TRPM7: variants seen among roughly 807,000 people sequenced by gnomAD.
TRPM7 encodes transient receptor potential cation channel subfamily M member 7, also known as LTRPC ion channel family member 7.
A neutral mutation model predicts 229.7 loss-of-function variants in TRPM7; 134 were observed. The ratio of observed to expected loss-of-function variants is 0.58; its 90% CI spans 0.51 to 0.67. The LOEUF (loss-of-function observed/expected upper bound fraction) is 0.67. Among genes scored for constraint, TRPM7 ranks in the 30% least tolerant of loss-of-function variants. TRPM7 has a pLI of 0.00. For synonymous variants in TRPM7, 699 were observed against 715.2 expected (o/e 0.98, Z 0.36); for missense variants, 1,901 against 2,210.0 (o/e 0.86, Z 2.80).
intron 22 of TRPM7, 80 bp from the exon 23 acceptor site, chr15:50,596,461 T>C (rs1368321322): frequency 4.6e-6 from 5 of 1,090,442 alleles, no homozygotes; most frequent in South Asian, 4.7e-5. Context: ...TGAGTGTTTC[T>C]GGTTATTTAT....
rs1021305960 is a variant in TRPM7 at position 50,667,259 on chromosome 15, C to G, written c.4-4213G>C. 4.6e-5 allele frequency among the ~76,000 whole-genome samples: 7 copies of G among 152,130 alleles called. No individual in the cohort carries two copies. The East Asian group carries it at 1.3e-3, about 29-fold the overall frequency. On this transcript the variant is annotated intron_variant, in intron 1 of 38. Transcript: ENST00000646667. ...GGCCCTAGAAACTGAACGCTTTCCT[C>G]GCCCTGTTCCTCCAAGGGCTCTACC...
intron 2 of TRPM7, among the ~76,000 whole-genome samples, chr15:50,662,314 A>G (rs1216893083): frequency 6.6e-6 from 1 of 150,780 alleles, no homozygotes; most frequent in East Asian, 1.9e-4. Flanking sequence ...ACGACAGAGC[A>G]AGACTCTGTT....
intron 5 of TRPM7, among the ~76,000 whole-genome samples, chr15:50,643,099 A>T (rs1465648946): frequency 6.6e-6 from 1 of 151,950 alleles, no homozygotes; most frequent in African/African-American, 2.4e-5. Context: ...GACCAGCCTG[A>T]CCAATATGGT....
chr15:50,679,538 AT>A lies in TRPM7; in HGVS notation c.3+6992del, dbSNP rs58783893. On this transcript the variant is annotated intron_variant, in intron 1 of 38. Coordinates refer to ENST00000646667, the MANE Select transcript of TRPM7 (RefSeq NM_017672.6). Reference sequence around the variant, plus strand: ...TATATATATATATATATATATATATATTTTTTTTTTTTTTTGAGACAGAGTC... The same window carrying A: ...TATATATATATATATATATATATATATTTTTTTTTTTTTTGAGACAGAGTC... Among the ~76,000 whole-genome samples the A allele has an allele frequency of 8.8e-3, 387 of 43,872 alleles. 3 individuals are homozygous for A. Among genetic ancestry groups the A allele is most frequent in the South Asian group, 0.064 (91 of 1,412 alleles). The allele number at this position is 43,872 out of a possible 152,430, so 28.8% of individuals were successfully genotyped here.
intron 31 of TRPM7, among the ~76,000 whole-genome samples, chr15:50,577,178 T>G (rs781260507): frequency 6.6e-6 from 1 of 152,054 alleles, no homozygotes; most frequent in East Asian, 1.9e-4. Context: ...ATTAAAAGCC[T>G]AATATGTCAT....
In TRPM7 at chr15:50,613,863, CTT is replaced by C. The variant is rs750606205; in HGVS notation, c.1636-24_1636-23del. On this transcript the variant is annotated intron_variant, in intron 14 of 38. Coordinates refer to ENST00000646667, the MANE Select transcript of TRPM7 (RefSeq NM_017672.6). Reference sequence around the variant, plus strand: ...ACCTCTGAAAATGAGATCTTATTAGCTTTTATAGATTTAAACGTGCTGACATG... The same window carrying C: ...ACCTCTGAAAATGAGATCTTATTAGCTTATAGATTTAAACGTGCTGACATG... The C allele has an allele frequency of 5.0e-6, 8 of 1,600,744 alleles. No homozygotes were observed. In the African/African-American group the frequency reaches 1.1e-4, roughly 22 times the overall value.
At chr15:50,584,786 T>C (rs2054606868) in intron 28 of TRPM7, among the ~76,000 whole-genome samples, 1 of 152,164 alleles carries the variant, frequency 6.6e-6, no homozygotes. Flanking sequence ...CATATAAGCA[T>C]ACTAACTTAG....
At chr15:50,587,372 G>C (rs1171078917) in intron 27 of TRPM7, among the ~76,000 whole-genome samples, 1 of 145,226 alleles carries the variant, frequency 6.9e-6, no homozygotes, top group East Asian at 2.1e-4. Flanking sequence ...TGTTTGGAAA[G>C]CCCTGAAGGC....
At chr15:50,643,950 GA>G (rs1340520213) in intron 4 of TRPM7, among the ~76,000 whole-genome samples, 2 of 152,052 alleles carry the variant, frequency 1.3e-5, no homozygotes, top group Non-Finnish European at 2.9e-5. Context: ...AATTAGGGGG[GA>G]AAAATATGGA....
Position 50,632,970 on chromosome 15 carries a change from G to T in TRPM7, c.1030C>A (p.Pro344Thr), listed in dbSNP as rs76006839. Residue 344 changes from proline to threonine, a missense_variant, in exon 9 of 39, where the codon CCC becomes ACC. This residue lies in a region of TRPM7 where 794 missense variants were observed against 881.9 expected (regional missense o/e 0.90). Coordinates refer to ENST00000646667, the MANE Select transcript of TRPM7 (RefSeq NM_017672.6). ...TTTTTGATAGTGGAAATAATATCGGGCTCTGCTGCATCAGGAAGATTCCTG... is the reference window on the plus strand; with the variant it reads ...TTTTTGATAGTGGAAATAATATCGGTCTCTGCTGCATCAGGAAGATTCCTG... ...EGGNLPDAAEPDIISTIKKTF... is the reference protein window; with the variant it reads ...EGGNLPDAAETDIISTIKKTF... 37 of 1,593,982 alleles carry T rather than the reference G, an allele frequency of 2.3e-5. No individual in the cohort carries two copies. In the East Asian group the frequency reaches 3.9e-4, roughly 17 times the overall value.
In TRPM7 at chr15:50,561,469, A is replaced by C; in HGVS notation, c.*209T>G. On this transcript the variant is annotated 3_prime_UTR_variant, in exon 39 of 39. Transcript: ENST00000646667. ...AATACTAATTATCAATTACCTTTAA[A>C]ATTTCTCAGCTGCCAGCTCTATCCT... 2.0e-6 allele frequency: 1 copy of C among 492,462 alleles called. No individual in the cohort carries two copies. Among genetic ancestry groups the C allele is most frequent in the Non-Finnish European group, 3.5e-6 (1 of 284,954 alleles). The allele number at this position is 492,462 out of a possible 1,614,324, so 30.5% of individuals were successfully genotyped here. A position where few individuals can be genotyped will look rare whatever the true frequency, so the allele number is the denominator to read the frequency against.
At chr15:50,678,246 AAAAAAC>A (rs1259251319) in intron 1 of TRPM7, among the ~76,000 whole-genome samples, 2,233 of 141,972 alleles carry the variant, frequency 0.016, 108 homozygotes, top group African/African-American at 0.049. Flanking sequence ...TCTCAAAAAA[AAAAAAC>A]AAAAACAAAA....
chr15:50,569,988 C>A lies in TRPM7; in HGVS notation c.5366G>T (p.Cys1789Phe). The change falls in exon 38 of 39, where the codon TGT becomes TTT. Residue 1789 changes from cysteine (C) to phenylalanine (F), a missense_variant. By Grantham distance (205) the Cys-to-Phe change is radical (BLOSUM62 -2). Around this residue, in one of 8 missense-constraint regions of TRPM7, gnomAD observed 257 missense variants for 352.0 expected, o/e 0.73. Coordinates refer to ENST00000646667, the MANE Select transcript of TRPM7 (RefSeq NM_017672.6). ...ATTTGCTGGGCCAAAAACCATATCA[C>A]AGGATCTGTAGAATTGGTAATTTTA... ...SVIKAEEKRSCDMVFGPANLG... is the reference protein window; with the variant it reads ...SVIKAEEKRSFDMVFGPANLG... The A allele has an allele frequency of 6.2e-7, 1 of 1,608,842 alleles. No homozygotes were observed. The highest frequency in any genetic ancestry group is 8.5e-7 in the Non-Finnish European group (1 of 1,177,692).
Position 50,593,633 on chromosome 15 carries a change from G to C in TRPM7, c.3592C>G (p.Arg1198Gly), listed in dbSNP as rs755054706. The change falls in exon 25 of 39, where the codon CGT (arginine) becomes GGT (glycine). Residue 1198 changes from arginine (R) to glycine (G), a missense_variant. Physicochemically the swap from Arg to Gly is moderately radical, Grantham distance 125. Coordinates refer to ENST00000646667, the MANE Select transcript of TRPM7 (RefSeq NM_017672.6). Reference protein sequence around the residue: ...KFHSGSEERIRVTFERVEQMC... With the variant: ...KFHSGSEERIGVTFERVEQMC... ...CTTCTGAACCTTTCAAAAGTGACAC[G>C]AATTCTCTCTTCACTCCCAGAATGA... The C allele has an allele frequency of 1.9e-6, 3 of 1,611,408 alleles. No homozygotes were observed. Among genetic ancestry groups the C allele is most frequent in the Non-Finnish European group, 2.5e-6 (3 of 1,179,232 alleles).
At chr15:50,676,958 C>G (rs1238151315) in intron 1 of TRPM7, among the ~76,000 whole-genome samples, 4 of 152,180 alleles carry the variant, frequency 2.6e-5, no homozygotes, top group Non-Finnish European at 1.5e-5. Flanking sequence ...AATAACTGAG[C>G]AGATATTCCT....
chr15:50,569,581 A>G (rs2053771593), intron 38 of TRPM7, among the ~76,000 whole-genome samples: 1 of 152,146 alleles, frequency 6.6e-6, no homozygotes, highest in Non-Finnish European at 1.5e-5. Flanking sequence ...GTCAATATTC[A>G]ACATGAGGCT....
At chr15:50,581,510 T>A (rs1034409857) in intron 29 of TRPM7, among the ~76,000 whole-genome samples, 52 of 146,860 alleles carry the variant, frequency 3.5e-4, no homozygotes, top group Non-Finnish European at 5.0e-4. Flanking sequence ...AAAAAAAAAA[T>A]AATAAATATA....
At chr15:50,644,600 C>T (rs992439828) in intron 4 of TRPM7, among the ~76,000 whole-genome samples, 1 of 151,972 alleles carries the variant, frequency 6.6e-6, no homozygotes, top group African/African-American at 2.4e-5. Flanking sequence ...GTCAAGCGTT[C>T]GAGGCCAGCC....
intron 31 of TRPM7, 169 bp downstream of exon 31, chr15:50,578,470 G>C (rs2054243408): frequency 2.3e-6 from 1 of 441,158 alleles, no homozygotes; most frequent in Admixed American, 3.8e-5. Flanking sequence ...TCGTGTGTTT[G>C]TGAAACATCT....
Sources: gnomAD v4.1 joint callset for allele counts (sites outside exome capture counted in the v4.1 genomes callset) on GRCh38, gnomAD v4.1.1 for gene constraint, gnomAD v4.1.1 regional missense constraint, MANE v1.5 for transcripts, NCBI Gene and HGNC (gene_info 2026-07-23, HGNC 2026-07-21) for gene names.